FRMD3: variants seen among roughly 807,000 people sequenced by gnomAD.
FRMD3 encodes FERM domain-containing protein 3.
Under a neutral mutation model 70.2 loss-of-function variants are expected in FRMD3, and 33 were observed. The observed-to-expected ratio is 0.47, with a 90% CI of 0.36 to 0.63. The LOEUF (loss-of-function observed/expected upper bound fraction) is 0.63, where lower values mean the gene tolerates loss of function less well. Ranked by LOEUF, FRMD3 falls within the 20% of genes least tolerant of loss-of-function variation. The pLI, the probability that FRMD3 is intolerant of heterozygous loss-of-function variation, is 0.00. For synonymous variants in FRMD3, 279 were observed against 255.9 expected (o/e 1.09, Z -0.86); for missense variants, 632 against 711.4 (o/e 0.89, Z 1.27).
intron 4 of FRMD3, among the ~76,000 whole-genome samples, chr9:83,347,350 C>T (rs1161282258): frequency 6.6e-6 from 1 of 152,096 alleles, no homozygotes; most frequent in African/African-American, 2.4e-5. Flanking sequence ...TAGTGTCATT[C>T]CTGCATAAAA....
intron 1 of FRMD3, among the ~76,000 whole-genome samples, chr9:83,511,599 G>A (rs975618315): frequency 1.3e-5 from 2 of 152,182 alleles, no homozygotes; most frequent in African/African-American, 4.8e-5. Flanking sequence ...TCTGGCTGAT[G>A]GCTTCAGAGT....
At chr9:83,322,658 C>T (rs1306832909) in intron 6 of FRMD3, among the ~76,000 whole-genome samples, 2 of 152,156 alleles carry the variant, frequency 1.3e-5, no homozygotes, top group East Asian at 1.9e-4. Context: ...ACATGTCAGG[C>T]CCTAGGCCCT....
At chr9:83,316,144 TTC>T (rs1835558076) in intron 6 of FRMD3, among the ~76,000 whole-genome samples, 1 of 147,232 alleles carries the variant, frequency 6.8e-6, no homozygotes, top group Non-Finnish European at 1.5e-5. Context: ...TTATTCTTTT[TTC>T]TCTTTTTTTT....
chr9:83,549,669 G>A, the FRMD3 span, among the ~76,000 whole-genome samples: 6 of 152,074 alleles, frequency 3.9e-5, no homozygotes, highest in Admixed American at 3.9e-4. Context: ...CTATCTCATT[G>A]TGCTTTTGAT....
chr9:83,418,177 G>C (rs1004795610), intron 1 of FRMD3, among the ~76,000 whole-genome samples: 1 of 152,090 alleles, frequency 6.6e-6, no homozygotes. Flanking sequence ...AGGGATAAAA[G>C]CCAGACAGTG....
At chr9:83,295,271 A>G (rs1012205734) in intron 12 of FRMD3, among the ~76,000 whole-genome samples, 3 of 152,204 alleles carry the variant, frequency 2.0e-5, no homozygotes, top group Non-Finnish European at 4.4e-5. Flanking sequence ...GGAAACTGAC[A>G]TTATGTAACT....
upstream of FRMD3, among the ~76,000 whole-genome samples, chr9:83,538,826 C>T (rs1829961298): frequency 6.6e-6 from 1 of 152,194 alleles, no homozygotes; most frequent in East Asian, 1.9e-4. This position sits in a 1 kb window ranked among gnomAD's most constrained non-coding sequence, Gnocchi z 4.7. Context: ...GGACGGAGAG[C>T]GATCCTGACC....
intron 12 of FRMD3, among the ~76,000 whole-genome samples, chr9:83,296,695 G>A (rs192068242): frequency 2.4e-4 from 37 of 152,248 alleles, no homozygotes; most frequent in Admixed American, 1.2e-3. Flanking sequence ...GTAATATCTT[G>A]GGAGATTTTA....
At chr9:83,407,840 TCTC>T (rs1826152618) in intron 1 of FRMD3, among the ~76,000 whole-genome samples, 1 of 71,530 alleles carries the variant, frequency 1.4e-5, no homozygotes, top group African/African-American at 7.9e-5. Context: ...TTGTTGAGTC[TCTC>T]TCTCTCTCTC....
intron 1 of FRMD3, among the ~76,000 whole-genome samples, chr9:83,494,209 C>A (rs11140121): frequency 0.14 from 21,283 of 152,116 alleles, 1,656 homozygotes; most frequent in East Asian, 0.33. Context: ...CGTGGGAGAA[C>A]GGATGAGATG....
At chr9:83,463,266 A>G (rs1828026422) in intron 1 of FRMD3, among the ~76,000 whole-genome samples, 1 of 152,168 alleles carries the variant, frequency 6.6e-6, no homozygotes, top group Non-Finnish European at 1.5e-5. Flanking sequence ...TCAAAATAAT[A>G]ATGATAATAA....
chr9:83,459,460 T>C (rs1827909471), intron 1 of FRMD3, among the ~76,000 whole-genome samples: 1 of 152,252 alleles, frequency 6.6e-6, no homozygotes, highest in Non-Finnish European at 1.5e-5. Flanking sequence ...CACTTCAAGA[T>C]GATAATATCT....
chr9:83,342,475 C>G (rs1367876939), intron 5 of FRMD3, among the ~76,000 whole-genome samples: 2 of 151,988 alleles, frequency 1.3e-5, no homozygotes, highest in African/African-American at 2.4e-5. Context: ...GAAACTGAAC[C>G]CTGAAGAGCT....
At chr9:83,310,584 A>T (rs373065260) in intron 8 of FRMD3, 36 bp from the exon 9 acceptor site, 583 of 1,540,428 alleles carry the variant, frequency 3.8e-4, no homozygotes, top group Non-Finnish European at 5.0e-4. Flanking sequence ...GAAGAAAAAA[A>T]GTGGCAGCTA....
At chr9:83,339,398 G>A (rs371199907) in intron 5 of FRMD3, among the ~76,000 whole-genome samples, 15 of 152,248 alleles carry the variant, frequency 9.9e-5, no homozygotes, top group Middle Eastern at 3.4e-3. Context: ...AGTTGAAGTC[G>A]TGACAAATGA....
At chr9:83,536,572 T>C (rs1829896691) in intron 1 of FRMD3, among the ~76,000 whole-genome samples, 1 of 152,208 alleles carries the variant, frequency 6.6e-6, no homozygotes, top group East Asian at 1.9e-4. Flanking sequence ...TGTGCAACCC[T>C]TGTGGCAGTA....
intron 5 of FRMD3, among the ~76,000 whole-genome samples, chr9:83,341,212 G>T (rs1177481322): frequency 2.6e-5 from 4 of 152,138 alleles, no homozygotes; most frequent in Non-Finnish European, 5.9e-5. Context: ...AATGACCACA[G>T]ACAGCACTGC....
intron 13 of FRMD3, among the ~76,000 whole-genome samples, chr9:83,260,026 GC>G (rs1832910835): frequency 6.6e-6 from 1 of 152,134 alleles, no homozygotes; most frequent in South Asian, 2.1e-4. Context: ...ACAACATTAG[GC>G]ATGCCACTTC....
chr9:83,541,683 T>C (rs1052693309), upstream of FRMD3, among the ~76,000 whole-genome samples: 1 of 152,096 alleles, frequency 6.6e-6, no homozygotes, highest in Non-Finnish European at 1.5e-5. Flanking sequence ...AGAAGACAAA[T>C]AGTGGTGCAT....
Sources: allele counts gnomAD v4.1 joint callset (sites outside exome capture counted in the v4.1 genomes callset), GRCh38; gene constraint gnomAD v4.1.1; non-coding constraint Gnocchi (gnomAD v3.1); transcripts MANE v1.5; gene names NCBI Gene and HGNC (gene_info 2026-07-23, HGNC 2026-07-21).